FARS2: variants seen among roughly 807,000 people sequenced by gnomAD.
The protein encoded by FARS2 is phenylalanyl-tRNA synthetase 2, mitochondrial, also known as phenylalanine--tRNA ligase, mitochondrial.
FARS2 carries 40 observed loss-of-function variants against 46.4 expected under a neutral mutation model. The ratio of observed to expected loss-of-function variants is 0.86; its 90% CI spans 0.67 to 1.12. FARS2 has a LOEUF of 1.12. Among genes scored for constraint, FARS2 ranks in the 50% most tolerant of loss-of-function variants. FARS2 has a pLI of 0.00. For missense variants in FARS2, 513 were observed against 567.9 expected (o/e 0.90, Z 0.98); for synonymous variants, 234 against 214.9 (o/e 1.09, Z -0.78).
At chr6:5,673,525 C>T (rs1024576159) in intron 6 of FARS2, among the ~76,000 whole-genome samples, 3 of 152,086 alleles carry the variant, frequency 2.0e-5, no homozygotes, top group Non-Finnish European at 2.9e-5. Context: ...GGGACTTGGG[C>T]GGTGAGGAAA....
At position 5,567,132 on chromosome 6, in the gene FARS2, CA is replaced by C. The variant is rs547318677; in HGVS notation, c.1065+21793del. 3.7e-4 allele frequency among the ~76,000 whole-genome samples: 57 copies of C among 152,336 alleles called. No homozygotes were observed. The South Asian group carries it at 0.011, about 30-fold the overall frequency. On this transcript the variant is annotated intron_variant, in intron 5 of 6. Transcript: ENST00000274680. Reference sequence around the variant, plus strand: ...CTACACCATTTAATATTCCCACCAACAGTGCACAAGTGTTCCAGTTTCTCCA... The same window carrying C: ...CTACACCATTTAATATTCCCACCAACGTGCACAAGTGTTCCAGTTTCTCCA...
At chr6:5,539,384 G>GTGTATGTATATATATATATATATATATA in intron 4 of FARS2, among the ~76,000 whole-genome samples, 2 of 79,582 alleles carry the variant, frequency 2.5e-5, no homozygotes, top group Admixed American at 2.5e-4. Context: ...TTTTTTTTGT[G>GTGTATGTATATATATATATATATATATA]TATATATATA....
chr6:5,744,943 G>A (rs1164512066), intron 6 of FARS2, among the ~76,000 whole-genome samples: 1 of 152,184 alleles, frequency 6.6e-6, no homozygotes, highest in African/African-American at 2.4e-5. Context: ...TGGTGGCAAA[G>A]GAAATCAAGA....
chr6:5,311,176 G>A lies in FARS2; in HGVS notation c.-22+49516G>A, dbSNP rs1215151606. Among the ~76,000 whole-genome samples, 1 of 152,226 alleles carries A rather than the reference G, an allele frequency of 6.6e-6. No homozygotes were observed. Among genetic ancestry groups the A allele is most frequent in the African/African-American group, 2.4e-5 (1 of 41,458 alleles). The stretch of plus-strand genomic sequence containing the variant: ...TAGTTGTTGCGAGTGAAGAGGATTT[G>A]TATGTGCTGTCAGAGAGGGAATTCC... On this transcript the variant is annotated intron_variant, in intron 1 of 6. Coordinates refer to ENST00000274680, the MANE Select transcript of FARS2 (RefSeq NM_006567.5). This position sits in a 1 kb window ranked among gnomAD's most constrained non-coding sequence, Gnocchi z 4.1.
At chr6:5,601,127 C>G (rs772080549) in intron 5 of FARS2, among the ~76,000 whole-genome samples, 14 of 152,176 alleles carry the variant, frequency 9.2e-5, no homozygotes, top group Non-Finnish European at 1.9e-4. Context: ...ACCCTGTGGC[C>G]TCCAGAACAG....
At chr6:5,592,579 GCC>G (rs1432902546) in intron 5 of FARS2, among the ~76,000 whole-genome samples, 3 of 152,008 alleles carry the variant, frequency 2.0e-5, no homozygotes, top group Admixed American at 2.0e-4. Context: ...AATAGACTGA[GCC>G]TCTACCCCAG....
intron 1 of FARS2, among the ~76,000 whole-genome samples, chr6:5,317,935 A>T (rs562071563): frequency 6.6e-6 from 1 of 152,254 alleles, no homozygotes; most frequent in African/African-American, 2.4e-5. Context: ...TGTAATTTTC[A>T]GGAAGTTGAG....
chr6:5,504,986 A>G (rs1270109044), intron 4 of FARS2, among the ~76,000 whole-genome samples: 1 of 152,170 alleles, frequency 6.6e-6, no homozygotes, highest in African/African-American at 2.4e-5. Flanking sequence ...TTTTAAAGAA[A>G]GATTTTAGTT....
rs575212491 is a variant in FARS2 at position 5,725,859 on chromosome 6, AG to A, written c.1218-45431del. Among the ~76,000 whole-genome samples, 252 of 152,272 alleles carry A rather than the reference AG, an allele frequency of 1.7e-3. 1 individual carries two copies. Among genetic ancestry groups the A allele is most frequent in the Non-Finnish European group, 1.9e-3 (126 of 68,004 alleles). On this transcript the variant is annotated intron_variant, in intron 6 of 6. Coordinates refer to ENST00000274680, the MANE Select transcript of FARS2 (RefSeq NM_006567.5). The stretch of plus-strand genomic sequence containing the variant: ...CTGAGGCAGGAGAATCGCTTGAACC[AG>A]AGAGGCAGAGGTTGCAGTGAGTCGA...
intron 4 of FARS2, among the ~76,000 whole-genome samples, chr6:5,468,168 T>C (rs1765615784): frequency 6.6e-6 from 1 of 152,146 alleles, no homozygotes; most frequent in Non-Finnish European, 1.5e-5. Flanking sequence ...AGAGCTTCAG[T>C]GTCATGGAAA....
At chr6:5,539,400 G>A (rs9392693) in intron 4 of FARS2, among the ~76,000 whole-genome samples, 23,373 of 85,444 alleles carry the variant, frequency 0.27, 3,189 homozygotes, top group Non-Finnish European at 0.32. Flanking sequence ...ATATATATAT[G>A]TATATATTTT....
chr6:5,395,182 C>A (rs1760828231), intron 2 of FARS2, among the ~76,000 whole-genome samples: 1 of 152,116 alleles, frequency 6.6e-6, no homozygotes, highest in African/African-American at 2.4e-5. Flanking sequence ...TTCTGAGTAG[C>A]TGGGATTACA....
At chr6:5,384,205 G>A (rs769981145) in intron 2 of FARS2, among the ~76,000 whole-genome samples, 7 of 152,178 alleles carry the variant, frequency 4.6e-5, no homozygotes, top group Non-Finnish European at 1.0e-4. Context: ...CTGATTCTCT[G>A]TAGAGGCCAG....
chr6:5,403,628 A>G (rs1761389302), intron 2 of FARS2, among the ~76,000 whole-genome samples: 1 of 151,942 alleles, frequency 6.6e-6, no homozygotes, highest in African/African-American at 2.4e-5. Context: ...TATTTTTTTC[A>G]GTAGCATTTA....
intron 2 of FARS2, among the ~76,000 whole-genome samples, chr6:5,392,561 T>C (rs901179162): frequency 6.6e-6 from 1 of 151,966 alleles, no homozygotes; most frequent in African/African-American, 2.4e-5. Flanking sequence ...GAAAGTATTA[T>C]GTAGTTATTA....
chr6:5,417,033 C>T (rs555732051), intron 3 of FARS2, among the ~76,000 whole-genome samples: 1 of 152,168 alleles, frequency 6.6e-6, no homozygotes, highest in Non-Finnish European at 1.5e-5. Flanking sequence ...TCTCCTAGGT[C>T]CTTACCATCT....
chr6:5,320,021 G>A (rs1769854064), intron 1 of FARS2, among the ~76,000 whole-genome samples: 2 of 152,206 alleles, frequency 1.3e-5, no homozygotes, highest in Admixed American at 1.3e-4. Flanking sequence ...CTTTCCAGAA[G>A]ATGTTCTTTA....
intron 4 of FARS2, among the ~76,000 whole-genome samples, chr6:5,500,424 G>GAC (rs1448256390): frequency 6.6e-6 from 1 of 152,224 alleles, no homozygotes; most frequent in Non-Finnish European, 1.5e-5. Flanking sequence ...TGAGGAGGAA[G>GAC]ACACCACATT....
rs77858372 is a variant in FARS2, at chr6:5,657,609, T to A, written c.1217+44289T>A. Among the ~76,000 whole-genome samples, 1,153 of 152,312 alleles carry A rather than the reference T, an allele frequency of 7.6e-3. 10 individuals are homozygous for A. The highest frequency in any genetic ancestry group is 0.041 in the Middle Eastern group (12 of 292). On this transcript the variant is annotated intron_variant, in intron 6 of 6. Coordinates refer to ENST00000274680, the MANE Select transcript of FARS2 (RefSeq NM_006567.5). ...TGCCCTGGCTAAATGAGGTTCTGGC[T>A]TCAGAGGGGTCTTGGTTTATAAGTG...
Sources: allele counts gnomAD v4.1 joint callset (sites outside exome capture counted in the v4.1 genomes callset), GRCh38; gene constraint gnomAD v4.1.1; non-coding constraint Gnocchi (gnomAD v3.1); transcripts MANE v1.5; gene names NCBI Gene and HGNC (gene_info 2026-07-23, HGNC 2026-07-21).